Variants in LDLRAD4 observed in about 807,000 individuals in gnomAD.
The protein encoded by LDLRAD4 is low-density lipoprotein receptor class A domain-containing protein 4.
LDLRAD4 carries 5 observed loss-of-function variants against 17.0 expected under a neutral mutation model. The ratio of observed to expected loss-of-function variants is 0.29; its 90% CI spans 0.15 to 0.62. The LOEUF (loss-of-function observed/expected upper bound fraction) is 0.62, where lower values mean the gene tolerates loss of function less well. LDLRAD4 is among the 20% of genes least tolerant of loss of function. The probability of loss-of-function intolerance (pLI) is 0.84; values close to 1 mark genes in which losing one functional copy is unlikely to be tolerated. For missense variants in LDLRAD4, 340 were observed against 424.7 expected (o/e 0.80, Z 1.75); for synonymous variants, 168 against 171.8 (o/e 0.98, Z 0.17).
exon 6 of LDLRAD4, chr18:13,650,246 T>TTGCTGCTGATGCTGC: frequency 2.5e-6 from 1 of 402,174 alleles, no homozygotes; most frequent in Non-Finnish European, 4.4e-6. Context: ...AGACAGTCAT[T>TTGCTGCTGATGCTGC]TGCTGCTGCT....
intron 3 of LDLRAD4, among the ~76,000 whole-genome samples, chr18:13,482,153 G>A (rs1375238094): frequency 2.6e-5 from 4 of 152,116 alleles, no homozygotes; most frequent in Non-Finnish European, 4.4e-5. Context: ...GGCCTGTAGT[G>A]AGGGCTGGGG....
intron 3 of LDLRAD4, among the ~76,000 whole-genome samples, chr18:13,548,465 A>C (rs2094395699): frequency 6.6e-6 from 1 of 152,242 alleles, no homozygotes; most frequent in East Asian, 1.9e-4. Context: ...AAAGTCCAGA[A>C]GGGGCCAAGG....
At chr18:13,576,972 C>T (rs2094783056) in intron 3 of LDLRAD4, among the ~76,000 whole-genome samples, 1 of 152,200 alleles carries the variant, frequency 6.6e-6, no homozygotes, top group African/African-American at 2.4e-5. Context: ...GAATCCTTAG[C>T]ATAAGTTTTT....
Position 13,296,597 on chromosome 18 carries a change from G to T in LDLRAD4, c.-383+18409G>T, listed in dbSNP as rs1236873720. Among the ~76,000 whole-genome samples the T allele has an allele frequency of 4.4e-5, 6 of 135,718 alleles. No homozygotes were observed. The East Asian group carries it at 1.2e-3, about 28-fold the overall frequency. 89.0% of individuals were successfully genotyped at this position (135,718 alleles called of 152,430 possible). A position where few individuals can be genotyped will look rare whatever the true frequency, so the allele number is the denominator to read the frequency against. On this transcript the variant is annotated intron_variant, in intron 1 of 5. Coordinates refer to ENST00000359446, the Ensembl canonical transcript of LDLRAD4. ...TTAACCTTTTTTTTTTTTTTTTAAAGAACTCTTAGGCTCAAGCAATCCTCC... is the reference window on the plus strand; with the variant it reads ...TTAACCTTTTTTTTTTTTTTTTAAATAACTCTTAGGCTCAAGCAATCCTCC...
In LDLRAD4 at chr18:13,281,840, C is replaced by T. The variant is rs568577771; in HGVS notation, c.-383+3652C>T. On this transcript the variant is annotated intron_variant, in intron 1 of 5. Transcript: ENST00000359446. Reference sequence around the variant, plus strand: ...GGGACTGGATTCTGAAGCTCCATCTCACCATTGTCCCCGATTCTTCAACTT... The same window carrying T: ...GGGACTGGATTCTGAAGCTCCATCTTACCATTGTCCCCGATTCTTCAACTT... 1.2e-4 allele frequency among the ~76,000 whole-genome samples: 18 copies of T among 152,342 alleles called. 1 individual carries two copies. The highest frequency in any genetic ancestry group is 4.1e-4 in the South Asian group (2 of 4,828).
intron 2 of LDLRAD4, among the ~76,000 whole-genome samples, chr18:13,425,474 G>A (rs1049810634): frequency 6.6e-6 from 1 of 152,184 alleles, no homozygotes; most frequent in African/African-American, 2.4e-5. Flanking sequence ...ATTGGCTGTG[G>A]AGCAGAATTA....
chr18:13,552,048 C>T (rs547245867), intron 3 of LDLRAD4, among the ~76,000 whole-genome samples: 2 of 152,256 alleles, frequency 1.3e-5, no homozygotes, highest in African/African-American at 4.8e-5. Flanking sequence ...CACCAAGCCA[C>T]GAGGGACCCA....
intron 3 of LDLRAD4, among the ~76,000 whole-genome samples, chr18:13,493,311 GTCTT>G (rs1568248963): frequency 6.6e-6 from 1 of 152,146 alleles, no homozygotes; most frequent in Non-Finnish European, 1.5e-5. Context: ...GAGTGAGTCT[GTCTT>G]TCTTTTTCTA....
At chr18:13,283,901 T>C (rs573596105) in intron 1 of LDLRAD4, among the ~76,000 whole-genome samples, 5 of 152,166 alleles carry the variant, frequency 3.3e-5, no homozygotes, top group Admixed American at 6.5e-5. Flanking sequence ...CAAAAGGCAC[T>C]TCTTACAGGG....
At chr18:13,525,063 G>A (rs1439984040) in intron 3 of LDLRAD4, among the ~76,000 whole-genome samples, 3 of 152,158 alleles carry the variant, frequency 2.0e-5, no homozygotes, top group Non-Finnish European at 2.9e-5. Context: ...GCGTGCTTGC[G>A]GGCAGGCACA....
chr18:13,612,602 A>T, intron 3 of LDLRAD4: 2 of 1,572,066 alleles, frequency 1.3e-6, no homozygotes, highest in Admixed American at 1.8e-5. Flanking sequence ...CTATAACTGC[A>T]GCTCTGAGCT....
chr18:13,248,629 T>C (rs896331289), intron 1 of LDLRAD4, among the ~76,000 whole-genome samples: 20 of 152,246 alleles, frequency 1.3e-4, no homozygotes, highest in Non-Finnish European at 2.6e-4. Flanking sequence ...AAGTATTTTA[T>C]TTTAAAAATG....
At chr18:13,370,796 C>T (rs1270739218) in intron 1 of LDLRAD4, among the ~76,000 whole-genome samples, 2 of 148,060 alleles carry the variant, frequency 1.4e-5, no homozygotes, top group Non-Finnish European at 3.0e-5. Flanking sequence ...CTGAAACCTC[C>T]GCCTCCTGGG....
chr18:13,589,907 G>C (rs933068501), intron 3 of LDLRAD4, among the ~76,000 whole-genome samples: 1 of 152,168 alleles, frequency 6.6e-6, no homozygotes, highest in African/African-American at 2.4e-5. Context: ...GGCCTGCCCT[G>C]CAATCTGAGT....
At chr18:13,525,756 T>G (rs1030733951) in intron 3 of LDLRAD4, among the ~76,000 whole-genome samples, 4 of 152,174 alleles carry the variant, frequency 2.6e-5, no homozygotes, top group Non-Finnish European at 4.4e-5. Context: ...CACCTGTAAG[T>G]GGAAAACTAA....
chr18:13,548,645 G>A (rs368804295), intron 3 of LDLRAD4, among the ~76,000 whole-genome samples: 1 of 152,364 alleles, frequency 6.6e-6, no homozygotes, highest in African/African-American at 2.4e-5. Flanking sequence ...GCACGGGGTG[G>A]TTTCTGGGCC....
At chr18:13,247,482 A>G (rs150850817) in intron 1 of LDLRAD4, among the ~76,000 whole-genome samples, 23 of 152,206 alleles carry the variant, frequency 1.5e-4, no homozygotes, top group African/African-American at 4.8e-4. Context: ...GCATCTAACC[A>G]CTGCTTTTTA....
chr18:13,260,828 G>A (rs1353865835), intron 1 of LDLRAD4, among the ~76,000 whole-genome samples: 2 of 152,210 alleles, frequency 1.3e-5, no homozygotes, highest in Non-Finnish European at 2.9e-5. Context: ...GCTCATCTCT[G>A]CTGAATGCAG....
At chr18:13,378,196 G>A (rs2085070765) in intron 1 of LDLRAD4, among the ~76,000 whole-genome samples, 1 of 152,182 alleles carries the variant, frequency 6.6e-6, no homozygotes, top group South Asian at 2.1e-4. Context: ...GCCTTAAGGT[G>A]TAGGGTGTTT....
Sources: gnomAD v4.1 joint callset for allele counts (sites outside exome capture counted in the v4.1 genomes callset) on GRCh38, gnomAD v4.1.1 for gene constraint, MANE v1.5 for transcripts, NCBI Gene and HGNC (gene_info 2026-07-23, HGNC 2026-07-21) for gene names.